HNRNPU: variants seen among roughly 807,000 people sequenced by gnomAD.
HNRNPU encodes the protein HNRNPU antisense RNA 1.
A neutral mutation model predicts 94.7 loss-of-function variants in HNRNPU; 5 were observed. The observed-to-expected ratio is 0.05, with a 90% CI of 0.03 to 0.11. The LOEUF (loss-of-function observed/expected upper bound fraction) is 0.11, where lower values mean the gene tolerates loss of function less well. Among genes scored for constraint, HNRNPU ranks in the 10% least tolerant of loss-of-function variants. The pLI, the probability that HNRNPU is intolerant of heterozygous loss-of-function variation, is 1.00. For synonymous variants in HNRNPU, 434 were observed against 381.6 expected (o/e 1.14, Z -1.60); for missense variants, 710 against 1,049.2 (o/e 0.68, Z 4.47).
At position 244,864,499 on chromosome 1, in the gene HNRNPU, G is replaced by A. The variant is rs567906999; in HGVS notation, c.-192C>T. ...AATTCCTTTCACCGAGTTCGCGAGG[G>A]AGACGCGGAGACTCGCCTGGCGCGA... On this transcript the variant is annotated 5_prime_UTR_variant, in exon 1 of 14. Coordinates refer to ENST00000640218, the MANE Select transcript of HNRNPU (RefSeq NM_031844.3). 9 of 908,538 alleles carry A rather than the reference G, an allele frequency of 9.9e-6. No homozygotes were observed. Among genetic ancestry groups the A allele is most frequent in the African/African-American group, 3.5e-5 (2 of 56,414 alleles). 56.3% of individuals were successfully genotyped at this position (908,538 alleles called of 1,614,324 possible).
At chr1:244,854,903 T>C in intron 13 of HNRNPU, 70 bp downstream of exon 13, 1 of 1,232,196 alleles carries the variant, frequency 8.1e-7, no homozygotes, top group South Asian at 1.2e-5. Context: ...CAAGATCTTT[T>C]TCAAGACTGA....
intron 8 of HNRNPU, 101 bp downstream of exon 8, chr1:244,857,497 T>A (rs1264959440): frequency 1.4e-5 from 17 of 1,228,208 alleles, no homozygotes; most frequent in Non-Finnish European, 1.8e-5. Flanking sequence ...TCCATCCACC[T>A]CAGCCTCTCA....
chr1:244,855,399 G>A (rs371131523), intron 12 of HNRNPU, 25 bp downstream of exon 12: 2 of 1,604,846 alleles, frequency 1.2e-6, no homozygotes, highest in East Asian at 2.2e-5. Context: ...TATCAATCAT[G>A]CTTCCAGGGA....
At chr1:244,854,613 A>T in intron 13 of HNRNPU, 110 bp from the exon 14 acceptor site, 1 of 729,524 alleles carries the variant, frequency 1.4e-6, no homozygotes, top group Non-Finnish European at 2.4e-6. Flanking sequence ...AAACAAATTT[A>T]TACCTGTCAT....
In HNRNPU at chr1:244,858,246, G is replaced by A. The variant is rs778010676; in HGVS notation, c.1259C>T (p.Ser420Leu). ...ANFESDEVEL[S>L]YAKNGQDLGV... Reference sequence around the variant, plus strand: ...AAGATCTTGTCCATTCTTAGCATACGAGAGTTCTACTTCATCACTTTCAAA... The same window carrying A: ...AAGATCTTGTCCATTCTTAGCATACAAGAGTTCTACTTCATCACTTTCAAA... Residue 420 changes from serine to leucine, a missense_variant, in exon 7 of 14, where the codon TCG (serine) becomes TTG (leucine). Coordinates refer to ENST00000640218, the MANE Select transcript of HNRNPU (RefSeq NM_031844.3). 6.8e-5 allele frequency: 109 copies of A among 1,613,800 alleles called. No individual in the cohort carries two copies. Among genetic ancestry groups the A allele is most frequent in the Admixed American group, 8.3e-5 (5 of 59,988 alleles).
rs548769177 is a variant in HNRNPU at position 244,850,818 on chromosome 1, T to C, written c.*3632A>G. On this transcript the variant is annotated 3_prime_UTR_variant, in exon 14 of 14. Coordinates refer to ENST00000640218, the MANE Select transcript of HNRNPU (RefSeq NM_031844.3). Reference sequence around the variant, plus strand: ...AACCTCAGAGCTCCAGAATTAGGAATGAATGACAAAGTTTAGACTCTAATC... The same window carrying C: ...AACCTCAGAGCTCCAGAATTAGGAACGAATGACAAAGTTTAGACTCTAATC... 2 of 152,308 alleles carry C rather than the reference T, an allele frequency of 1.3e-5. No individual in the cohort carries two copies. The highest frequency in any genetic ancestry group is 4.1e-4 in the South Asian group (2 of 4,830). The allele number at this position is 152,308 out of a possible 1,614,324, so 9.4% of individuals were successfully genotyped here.
chr1:244,862,612 C>T lies in HNRNPU; in HGVS notation c.803+7G>A, dbSNP rs1573335830. 4.3e-6 allele frequency: 7 copies of T among 1,609,214 alleles called. No individual in the cohort carries two copies. Among genetic ancestry groups the T allele is most frequent in the Non-Finnish European group, 5.1e-6 (6 of 1,175,572 alleles). On this transcript the variant is annotated splice_region_variant and intron_variant, in intron 2 of 13. Transcript: ENST00000640218. ...GGGATGAGTAAAACTAGGTGAGCATCCTATACCTGCTATACTTGTTCTCTT... is the reference window on the plus strand; with the variant it reads ...GGGATGAGTAAAACTAGGTGAGCATTCTATACCTGCTATACTTGTTCTCTT...
In HNRNPU at chr1:244,858,184, C is replaced by T. The variant is rs377613329; in HGVS notation, c.1321G>A (p.Gly441Arg). Reference protein sequence around the residue: ...AFKISKEVLAGRPLFPHVLCH... With the variant: ...AFKISKEVLARRPLFPHVLCH... ...AGAACATGCGGGAACAGTGGCCGTCCAGCAAGAACTTCCTTACTGATTTTG... is the reference window on the plus strand; with the variant it reads ...AGAACATGCGGGAACAGTGGCCGTCTAGCAAGAACTTCCTTACTGATTTTG... Residue 441 changes from glycine to arginine, a missense_variant, in exon 7 of 14, where the codon GGA becomes AGA. Transcript: ENST00000640218. 9.9e-6 allele frequency: 16 copies of T among 1,614,012 alleles called. No individual in the cohort carries two copies. The highest frequency in any genetic ancestry group is 1.3e-5 in the Non-Finnish European group (15 of 1,180,022).
chr1:244,858,531 T>C, intron 6 of HNRNPU, 198 bp downstream of exon 6: 1 of 607,692 alleles, frequency 1.6e-6, no homozygotes, highest in Non-Finnish European at 2.9e-6. Context: ...CTGTTTTCAG[T>C]CAAAATGAAT....
chr1:244,860,542 A>C (rs1161899818), intron 3 of HNRNPU, 68 bp from the exon 4 acceptor site: 1 of 1,270,768 alleles, frequency 7.9e-7, no homozygotes, highest in Non-Finnish European at 1.1e-6. Flanking sequence ...TGTAGACAAA[A>C]CTTGGTTACT....
chr1:244,852,120 C>G lies in HNRNPU; in HGVS notation c.*2330G>C, dbSNP rs975192120. ...GGCAAGGGAAGGATGAGCAATAAAT[C>G]AGGTTTCTCGTTCGTATCTTACTTC... On this transcript the variant is annotated 3_prime_UTR_variant, in exon 14 of 14. Transcript: ENST00000640218. The G allele has an allele frequency of 1.3e-5, 2 of 152,174 alleles. No homozygotes were observed. The highest frequency in any genetic ancestry group is 2.1e-4 in the South Asian group (1 of 4,832). 9.4% of individuals were successfully genotyped at this position (152,174 alleles called of 1,614,324 possible).
At position 244,863,651 on chromosome 1, in the gene HNRNPU, G is replaced by A. The variant is rs1558190330; in HGVS notation, c.657C>T (p.Gly219=). ...QAGGKKKAEG[G]GGGGRPGAPA... is the part of the protein sequence containing the mutation. ...GAGCCCCGGGGCGACCGCCGCCTCC[G>A]CCGCCTTCCGCCTTCTTCTTACCTC... The change falls in exon 1 of 14, where the codon GGC becomes GGT. Residue 219 remains glycine, a synonymous_variant. Coordinates refer to ENST00000640218, the MANE Select transcript of HNRNPU (RefSeq NM_031844.3). The A allele has an allele frequency of 1.3e-6, 2 of 1,551,352 alleles. No individual in the cohort carries two copies. The highest frequency in any genetic ancestry group is 1.4e-5 in the African/African-American group (1 of 70,152).
chr1:244,864,170 C>A lies in HNRNPU; in HGVS notation c.138G>T (p.Glu46Asp), dbSNP rs1358372912. The A allele has an allele frequency of 6.2e-7, 1 of 1,606,570 alleles. No homozygotes were observed. The highest frequency in any genetic ancestry group is 8.5e-7 in the Non-Finnish European group (1 of 1,176,996). ...ERLQAALDDE[E>D]AGGRPAMEPG... ...GCTCCATGGCGGGGCGGCCCCCGGC[C>A]TCCTCGTCGTCCAGCGCAGCCTGGA... The change falls in exon 1 of 14, where the codon GAG becomes GAT. Residue 46 changes from glutamate (E) to aspartate (D), a missense_variant. Transcript: ENST00000640218.
chr1:244,859,450 G>A (rs572657192), intron 4 of HNRNPU, 76 bp from the exon 5 acceptor site: 31 of 714,488 alleles, frequency 4.3e-5, no homozygotes, highest in East Asian at 2.1e-4. Flanking sequence ...ATTTCATTGC[G>A]CCACGGGCTA....
intron 6 of HNRNPU, 33 bp downstream of exon 6, chr1:244,858,696 C>A: frequency 8.5e-7 from 1 of 1,172,962 alleles, no homozygotes; most frequent in East Asian, 2.3e-5. Flanking sequence ...ACTAACTTTG[C>A]CATTTATACA....
In HNRNPU at chr1:244,853,399, C is replaced by T. The variant is rs926119103; in HGVS notation, c.*1051G>A. 4 of 152,566 alleles carry T rather than the reference C, an allele frequency of 2.6e-5. No homozygotes were observed. Among genetic ancestry groups the T allele is most frequent in the Middle Eastern group, 3.4e-3 (1 of 294 alleles). The allele number at this position is 152,566 out of a possible 1,614,324, so 9.5% of individuals were successfully genotyped here. On this transcript the variant is annotated 3_prime_UTR_variant, in exon 14 of 14. Coordinates refer to ENST00000640218, the MANE Select transcript of HNRNPU (RefSeq NM_031844.3). ...TCCCAAAACAAGAGTAAAATGAATT[C>T]TTTTTATTGCAAACAAACGTCTAAA...
At position 244,863,606 on chromosome 1, in the gene HNRNPU, G is replaced by A; in HGVS notation, c.691+11C>T. 6.7e-7 allele frequency: 1 copy of A among 1,499,790 alleles called. No homozygotes were observed. 92.9% of individuals were successfully genotyped at this position (1,499,790 alleles called of 1,614,324 possible). A position where few individuals can be genotyped will look rare whatever the true frequency, so the allele number is the denominator to read the frequency against. The stretch of plus-strand genomic sequence containing the variant: ...CCTCCCGCCGCGCGCAACGTACAAC[G>A]CAGCACTCACCCGCCGCCGGAGCCC... On this transcript the variant is annotated intron_variant, in intron 1 of 13. Coordinates refer to ENST00000640218, the MANE Select transcript of HNRNPU (RefSeq NM_031844.3).
At chr1:244,863,494 A>T (rs1440778650) in intron 1 of HNRNPU, 123 bp downstream of exon 1, 1 of 330,550 alleles carries the variant, frequency 3.0e-6, no homozygotes, top group Non-Finnish European at 3.8e-6. Flanking sequence ...CCCCTCCCCC[A>T]CCCTCACCGC....
At chr1:244,862,171 A>C (rs554829607) in intron 3 of HNRNPU, 6 of 325,332 alleles carry the variant, frequency 1.8e-5, no homozygotes, top group African/African-American at 1.3e-4. Context: ...TAGTGTTACA[A>C]GTTTCCGTTA....
Sources: allele counts gnomAD v4.1 joint callset, GRCh38; gene constraint gnomAD v4.1.1; transcripts MANE v1.5; gene names NCBI Gene and HGNC (gene_info 2026-07-23, HGNC 2026-07-21).